Variants in HSPA4L observed in about 807,000 individuals in gnomAD.
HSPA4L encodes the protein heat shock protein family A (Hsp70) member 4 like.
HSPA4L carries 48 observed loss-of-function variants against 100.3 expected under a neutral mutation model. The ratio of observed to expected loss-of-function variants is 0.48; its 90% CI spans 0.38 to 0.61. The LOEUF (loss-of-function observed/expected upper bound fraction) is 0.61, where lower values mean the gene tolerates loss of function less well. Among genes scored for constraint, HSPA4L ranks in the 20% least tolerant of loss-of-function variants. HSPA4L has a pLI of 0.00. For synonymous variants in HSPA4L, 319 were observed against 328.2 expected, an observed-to-expected ratio of 0.97 and a Z score of 0.30; for missense variants, 886 against 988.6, an observed-to-expected ratio of 0.90 and a Z score of 1.39.
In HSPA4L at chr4:127,830,724, G is replaced by A. The variant is rs1334133664; in HGVS notation, c.2253G>A (p.Lys751=). ...ISDAMSWLNS[K]MNAQNKLSLT... Reference sequence around the variant, plus strand: ...ATGCCATGAGTTGGCTGAATAGTAAGATGAATGCACAGAACAAACTAAGTC... The same window carrying A: ...ATGCCATGAGTTGGCTGAATAGTAAAATGAATGCACAGAACAAACTAAGTC... The change falls in exon 18 of 19, where the codon AAG becomes AAA. Residue 751 remains lysine (K), a synonymous_variant. Coordinates refer to ENST00000296464, the MANE Select transcript of HSPA4L (RefSeq NM_014278.4). 1.2e-6 allele frequency: 2 copies of A among 1,611,330 alleles called. No homozygotes were observed. The highest frequency in any genetic ancestry group is 1.1e-5 in the South Asian group (1 of 90,594).
At chr4:127,806,182 C>T (rs953253085) in intron 10 of HSPA4L, among the ~76,000 whole-genome samples, 3 of 151,946 alleles carry the variant, frequency 2.0e-5, no homozygotes, top group African/African-American at 7.2e-5. Context: ...ATAGAATTAT[C>T]TATAAATCTC....
chr4:127,822,757 C>T lies in HSPA4L; in HGVS notation c.1813-12C>T, dbSNP rs942249022. 4.3e-6 allele frequency: 7 copies of T among 1,611,240 alleles called. No individual in the cohort carries two copies. The African/African-American group carries it at 5.4e-5, about 12-fold the overall frequency. On this transcript the variant is annotated splice_polypyrimidine_tract_variant and intron_variant, in intron 14 of 18. Transcript: ENST00000296464. ...TATTCTTATGGCAACTAATCTGAAG[C>T]TTTTTGAATAGGGGAAGATGATCAT... is the stretch of plus-strand genomic sequence containing the variant.
At position 127,798,697 on chromosome 4, in the gene HSPA4L, CTG is replaced by C; in HGVS notation, c.422_423del (p.Val141AspfsTer5). Reference sequence around the variant, plus strand: ...ATGCTTTGAAGAAACCAGTGGCTGACTGTGTGATTTCAGTAAGTTTTACTTCA... The same window carrying C: ...ATGCTTTGAAGAAACCAGTGGCTGACTGTGATTTCAGTAAGTTTTACTTCA... The part of the protein sequence containing the change: ...ENALKKPVAD[C>X]VISIPSFFTD... On this transcript the variant is annotated frameshift_variant, in exon 4 of 19. Coordinates refer to ENST00000296464, the MANE Select transcript of HSPA4L (RefSeq NM_014278.4). LOFTEE classifies it high-confidence loss of function. 6.2e-7 allele frequency: 1 copy of C among 1,613,446 alleles called. No individual in the cohort carries two copies. Among genetic ancestry groups the C allele is most frequent in the Non-Finnish European group, 8.5e-7 (1 of 1,179,584 alleles).
At chr4:127,821,856 G>A (rs1733821652) in intron 14 of HSPA4L, among the ~76,000 whole-genome samples, 1 of 152,088 alleles carries the variant, frequency 6.6e-6, no homozygotes, top group African/African-American at 2.4e-5. Flanking sequence ...ATGTTTAGAT[G>A]ATTTTCCTGC....
intron 5 of HSPA4L, 59 bp from the exon 6 acceptor site, chr4:127,801,726 T>C (rs1234188811): frequency 3.2e-5 from 45 of 1,406,476 alleles, no homozygotes; most frequent in African/African-American, 1.0e-4. Context: ...AAAGTGACAT[T>C]TCTTGTTTTC....
chr4:127,795,815 T>C lies in HSPA4L; in HGVS notation c.213T>C (p.His71=). 1 of 1,613,708 alleles carries C rather than the reference T, an allele frequency of 6.2e-7. No individual in the cohort carries two copies. The highest frequency in any genetic ancestry group is 1.1e-5 in the South Asian group (1 of 91,058). ...RNTIHGFKKL[H]GRSFDDPIVQ... is the part of the protein sequence containing the mutation. Reference sequence around the variant, plus strand: ...CAATTCATGGCTTCAAAAAGCTTCATGGGCGATCATTTGATGATCCCATTG... The same window carrying C: ...CAATTCATGGCTTCAAAAAGCTTCACGGGCGATCATTTGATGATCCCATTG... The change falls in exon 3 of 19, where the codon CAT becomes CAC. Residue 71 remains histidine, a synonymous_variant. Coordinates refer to ENST00000296464, the MANE Select transcript of HSPA4L (RefSeq NM_014278.4).
chr4:127,837,772 T>A lies in HSPA4L; in HGVS notation c.*4898T>A, dbSNP rs1371566887. On this transcript the variant is annotated 3_prime_UTR_variant, in exon 19 of 19. Transcript: ENST00000296464. The stretch of plus-strand genomic sequence containing the variant: ...AAACTTTAGCTGTTTAACTATCACC[T>A]CTCTAATTTAAAATGCATGAAAATT... The A allele has an allele frequency of 6.6e-6, 1 of 151,792 alleles. No individual in the cohort carries two copies. The highest frequency in any genetic ancestry group is 2.4e-5 in the African/African-American group (1 of 41,372). The allele number at this position is 151,792 out of a possible 1,614,324, so 9.4% of individuals were successfully genotyped here.
chr4:127,832,578 AGG>A lies in HSPA4L; in HGVS notation c.2329-101_2329-100del, dbSNP rs1455691318. The A allele has an allele frequency of 3.0e-6, 3 of 989,268 alleles. No homozygotes were observed. The African/African-American group carries it at 4.9e-5, about 16-fold the overall frequency. 61.3% of individuals were successfully genotyped at this position (989,268 alleles called of 1,614,324 possible). On this transcript the variant is annotated intron_variant, in intron 18 of 18. Transcript: ENST00000296464. ...GCTATCTAGCTGAGCAAATTCAGAAAGGGGGAATTATGTGAAAATTTAGAAAG... is the reference window on the plus strand; with the variant it reads ...GCTATCTAGCTGAGCAAATTCAGAAAGGGAATTATGTGAAAATTTAGAAAG...
chr4:127,785,230 G>C (rs537409181), intron 1 of HSPA4L, among the ~76,000 whole-genome samples: 2 of 152,250 alleles, frequency 1.3e-5, no homozygotes, highest in South Asian at 4.1e-4. Flanking sequence ...AAGAGGGAGA[G>C]AGAAATTAAC....
chr4:127,831,764 C>T (rs1249524470), intron 18 of HSPA4L, among the ~76,000 whole-genome samples: 2 of 151,672 alleles, frequency 1.3e-5, no homozygotes, highest in East Asian at 3.9e-4. Context: ...GGATATCCAC[C>T]AAAAGGTTAA....
At chr4:127,808,584 T>C (rs1733430020) in intron 11 of HSPA4L, among the ~76,000 whole-genome samples, 1 of 152,030 alleles carries the variant, frequency 6.6e-6, no homozygotes, top group African/African-American at 2.4e-5. Context: ...TACCAGAGGA[T>C]TGCTTGAGCC....
chr4:127,802,706 T>C (rs1328492965), intron 6 of HSPA4L, among the ~76,000 whole-genome samples: 2 of 152,204 alleles, frequency 1.3e-5, no homozygotes, highest in African/African-American at 4.8e-5. Context: ...GCTATAGCCC[T>C]TCTTCCAAAA....
intron 3 of HSPA4L, among the ~76,000 whole-genome samples, chr4:127,796,345 TTTATATTCTGAGATAG>T (rs1489207452): frequency 6.6e-6 from 1 of 152,158 alleles, no homozygotes; most frequent in Non-Finnish European, 1.5e-5. Flanking sequence ...AATTTTTAAT[TTTATATTCTGAGATAG>T]TTGTAGATTA....
chr4:127,826,984 T>G (rs932737340), intron 16 of HSPA4L, among the ~76,000 whole-genome samples: 4 of 152,270 alleles, frequency 2.6e-5, no homozygotes, highest in African/African-American at 9.6e-5. Context: ...GCAGTATAGT[T>G]TTTACAGTTT....
At chr4:127,791,288 C>T (rs1732867627) in intron 1 of HSPA4L, among the ~76,000 whole-genome samples, 1 of 152,112 alleles carries the variant, frequency 6.6e-6, no homozygotes, top group African/African-American at 2.4e-5. Context: ...CATTTGGCTT[C>T]CCTGGGCCCC....
At chr4:127,804,440 T>C (rs1733289648) in intron 8 of HSPA4L, among the ~76,000 whole-genome samples, 1 of 152,116 alleles carries the variant, frequency 6.6e-6, no homozygotes. Context: ...ACCCCATCTC[T>C]ATTAAAATTC....
At position 127,808,130 on chromosome 4, in the gene HSPA4L, G is replaced by A; in HGVS notation, c.1378+1G>A. 1.3e-6 allele frequency: 2 copies of A among 1,580,328 alleles called. No homozygotes were observed. Among genetic ancestry groups the A allele is most frequent in the Admixed American group, 2.0e-5 (1 of 49,802 alleles). ...GTGCCTTATCCTGATGCAAGAATTGGTAAGATAAAAAAAAGTTCTCCATAA... is the reference window on the plus strand; with the variant it reads ...GTGCCTTATCCTGATGCAAGAATTGATAAGATAAAAAAAAGTTCTCCATAA... On this transcript the variant is annotated splice_donor_variant, in intron 11 of 18. Transcript: ENST00000296464. LOFTEE classifies it high-confidence loss of function.
rs564497146 is a variant in HSPA4L, at chr4:127,803,568, C to CT, written c.664-51dup. 9,940 of 1,194,568 alleles carry CT rather than the reference C, an allele frequency of 8.3e-3. 2 individuals carry two copies. Among genetic ancestry groups the CT allele is most frequent in the South Asian group, 0.011 (555 of 50,982 alleles). The allele number at this position is 1,194,568 out of a possible 1,614,324, so 74.0% of individuals were successfully genotyped here. The stretch of plus-strand genomic sequence containing the variant: ...ACATTTTTTTATTTTAGAGGTTTTT[C>CT]TTTTTTTTTTGGAAGAATCTATATT... On this transcript the variant is annotated intron_variant, in intron 6 of 18. Transcript: ENST00000296464.
intron 12 of HSPA4L, among the ~76,000 whole-genome samples, chr4:127,817,717 T>A (rs1733703925): frequency 6.6e-6 from 1 of 152,214 alleles, no homozygotes; most frequent in Non-Finnish European, 1.5e-5. Flanking sequence ...TGCATATTTC[T>A]AATTATTTTA....
Sources: allele counts gnomAD v4.1 joint callset (sites outside exome capture counted in the v4.1 genomes callset), GRCh38; gene constraint gnomAD v4.1.1; transcripts MANE v1.5; gene names NCBI Gene and HGNC (gene_info 2026-07-23, HGNC 2026-07-21).